GALNTL6: variants seen among roughly 807,000 people sequenced by gnomAD.
GALNTL6 encodes the protein polypeptide N-acetylgalactosaminyltransferase like 6.
In GALNTL6, 46 loss-of-function variants were observed where a neutral mutation model predicts 73.7. The observed-to-expected ratio is 0.62, with a 90% confidence interval of 0.49 to 0.80. The LOEUF (loss-of-function observed/expected upper bound fraction) is 0.80, where lower values mean the gene tolerates loss of function less well. Among genes scored for constraint, GALNTL6 ranks in the 30% least tolerant of loss-of-function variants. The probability of loss-of-function intolerance (pLI) is 0.00; values close to 1 mark genes in which losing one functional copy is unlikely to be tolerated. For synonymous variants in GALNTL6, 259 were observed against 263.7 expected (o/e 0.98, Z 0.17); for missense variants, 604 against 755.0 (o/e 0.80, Z 2.34).
chr4:172,718,438 C>T (rs911319162), intron 5 of GALNTL6, among the ~76,000 whole-genome samples: 1 of 151,852 alleles, frequency 6.6e-6, no homozygotes, highest in East Asian at 1.9e-4. Context: ...TCAAGACCAG[C>T]GTGGGTAACA....
At chr4:172,590,937 C>T (rs779333362) in intron 5 of GALNTL6, among the ~76,000 whole-genome samples, 3 of 152,036 alleles carry the variant, frequency 2.0e-5, no homozygotes, top group Non-Finnish European at 2.9e-5. Context: ...TGAAATGCTT[C>T]ATAAATTTGA....
At chr4:172,993,884 T>A (rs758185799) in intron 10 of GALNTL6, among the ~76,000 whole-genome samples, 5 of 152,150 alleles carry the variant, frequency 3.3e-5, no homozygotes, top group African/African-American at 4.8e-5. Flanking sequence ...ATTGTGCCAC[T>A]GCACTCCAGC....
chr4:172,765,877 A>T (rs970472151), intron 5 of GALNTL6, among the ~76,000 whole-genome samples: 2 of 152,288 alleles, frequency 1.3e-5, no homozygotes, highest in African/African-American at 4.8e-5. Context: ...AAAAGAAAAA[A>T]AAAAGCATAT....
At chr4:171,851,448 G>A (rs914641326) in intron 2 of GALNTL6, among the ~76,000 whole-genome samples, 3 of 152,136 alleles carry the variant, frequency 2.0e-5, no homozygotes, top group Non-Finnish European at 2.9e-5. Context: ...TATTGCTTTT[G>A]ACAATGCCTG....
chr4:171,826,305 T>C (rs1283515446), intron 2 of GALNTL6, among the ~76,000 whole-genome samples: 2 of 152,300 alleles, frequency 1.3e-5, no homozygotes, highest in East Asian at 1.9e-4. Flanking sequence ...GCCATTTGCA[T>C]GGGTGTTTTC....
At chr4:171,875,845 C>T (rs1268078115) in intron 2 of GALNTL6, among the ~76,000 whole-genome samples, 2 of 150,902 alleles carry the variant, frequency 1.3e-5, no homozygotes, top group African/African-American at 4.9e-5. Context: ...TTATTTCCTG[C>T]TCATGGCTAA....
chr4:172,426,663 A>G (rs1415772734), intron 5 of GALNTL6, among the ~76,000 whole-genome samples: 1 of 152,186 alleles, frequency 6.6e-6, no homozygotes. Context: ...TCTGCCATTT[A>G]CAAAGTACAG....
At chr4:172,860,091 C>T (rs1690229975) in intron 7 of GALNTL6, among the ~76,000 whole-genome samples, 1 of 152,172 alleles carries the variant, frequency 6.6e-6, no homozygotes, top group African/African-American at 2.4e-5. Context: ...AATTATCTTC[C>T]ATGAAATTGG....
intron 12 of GALNTL6, among the ~76,000 whole-genome samples, chr4:173,038,106 A>C (rs1753767066): frequency 6.6e-6 from 1 of 152,242 alleles, no homozygotes; most frequent in African/African-American, 2.4e-5. Context: ...GGGGGCAAGA[A>C]GTGCATGTGT....
At chr4:172,584,169 G>C (rs1487526979) in intron 5 of GALNTL6, among the ~76,000 whole-genome samples, 1 of 152,036 alleles carries the variant, frequency 6.6e-6, no homozygotes. Flanking sequence ...AAATGTGAAG[G>C]CTCTATGGAA....
intron 5 of GALNTL6, among the ~76,000 whole-genome samples, chr4:172,702,965 G>A (rs1056961230): frequency 2.6e-4 from 39 of 151,736 alleles, no homozygotes; most frequent in African/African-American, 9.4e-4. Context: ...TTATTTTTAT[G>A]TATAGTTTTT....
chr4:172,460,557 G>T (rs781167465), intron 5 of GALNTL6, among the ~76,000 whole-genome samples: 1 of 152,108 alleles, frequency 6.6e-6, no homozygotes, highest in Non-Finnish European at 1.5e-5. Flanking sequence ...GTGGGCAAAG[G>T]ATATGAACAG....
chr4:172,482,413 C>T (rs905300071), intron 5 of GALNTL6, among the ~76,000 whole-genome samples: 4 of 152,192 alleles, frequency 2.6e-5, no homozygotes, highest in South Asian at 2.1e-4. Flanking sequence ...GCCACCAGCA[C>T]GTTGTCACTT....
At chr4:172,080,356 AT>A (rs1387925981) in intron 2 of GALNTL6, among the ~76,000 whole-genome samples, 1 of 151,844 alleles carries the variant, frequency 6.6e-6, no homozygotes, top group Non-Finnish European at 1.5e-5. Context: ...AATTTTTAAA[AT>A]TTTTTTGTTG....
chr4:172,844,226 G>A (rs764525293), intron 7 of GALNTL6, among the ~76,000 whole-genome samples: 8 of 152,162 alleles, frequency 5.3e-5, no homozygotes, highest in African/African-American at 1.7e-4. Context: ...CGTTTTCCAC[G>A]GTGGGAAGGG....
intron 5 of GALNTL6, among the ~76,000 whole-genome samples, chr4:172,599,525 C>A (rs1737979481): frequency 6.6e-6 from 1 of 152,092 alleles, no homozygotes; most frequent in South Asian, 2.1e-4. Flanking sequence ...TAAATATTAA[C>A]CCAATTACAT....
intron 5 of GALNTL6, among the ~76,000 whole-genome samples, chr4:172,585,119 A>C (rs1219897457): frequency 1.3e-5 from 2 of 150,290 alleles, no homozygotes; most frequent in Non-Finnish European, 3.0e-5. Flanking sequence ...GAAAAAAAAA[A>C]CAGTCTAATG....
In GALNTL6 at chr4:172,974,832, G is replaced by A. The variant is rs372802689; in HGVS notation, c.1371+22574G>A. Among the ~76,000 whole-genome samples, 8 of 152,336 alleles carry A rather than the reference G, an allele frequency of 5.3e-5. No homozygotes were observed. In the East Asian group the frequency reaches 5.8e-4, roughly 11 times the overall value. ...GGCAGGCAGCTCCAGGCACCGGCAC[G>A]GACACTGGCTCCCTGCAAGGCTGCA... On this transcript the variant is annotated intron_variant, in intron 10 of 12. Transcript: ENST00000506823.
chr4:172,114,422 A>G (rs1732933103), intron 2 of GALNTL6, among the ~76,000 whole-genome samples: 1 of 152,018 alleles, frequency 6.6e-6, no homozygotes, highest in African/African-American at 2.4e-5. Flanking sequence ...ATCAAAATCT[A>G]CTTGCCTTAA....
Sources: gnomAD v4.1 joint callset for allele counts (sites outside exome capture counted in the v4.1 genomes callset) on GRCh38, gnomAD v4.1.1 for gene constraint, MANE v1.5 for transcripts, NCBI Gene and HGNC (gene_info 2026-07-23, HGNC 2026-07-21) for gene names.